The following NXPH1 variants were observed in gnomAD, a reference collection of about 807,000 sequenced individuals.
The protein encoded by NXPH1 is neurexophilin 1.
Under a neutral mutation model 23.7 loss-of-function variants are expected in NXPH1, and 5 were observed. That is an observed-to-expected ratio of 0.21 (90% CI 0.11 to 0.44). NXPH1 has a LOEUF of 0.44. NXPH1 is among the 20% of genes least tolerant of loss of function. The pLI is 0.99. For synonymous variants in NXPH1, 144 were observed against 122.2 expected (o/e 1.18, Z -1.18); for missense variants, 324 against 321.6 (o/e 1.01, Z -0.06).
At chr7:8,654,405 TATG>T (rs1392336115) in intron 2 of NXPH1, among the ~76,000 whole-genome samples, 1 of 152,172 alleles carries the variant, frequency 6.6e-6, no homozygotes, top group African/African-American at 2.4e-5. Flanking sequence ...ACAAAGCAAA[TATG>T]ATTATCTTAT....
chr7:8,437,157 A>T lies in NXPH1; in HGVS notation c.54+1390A>T, dbSNP rs6463808. ...AGGTGAAAGCCAGGGCAGCCAATCC[A>T]AAAGAACAGCCTTTCTGACTCTGTC... On this transcript the variant is annotated intron_variant, in intron 2 of 2. Coordinates refer to ENST00000405863, the MANE Select transcript of NXPH1 (RefSeq NM_152745.3). Among the ~76,000 whole-genome samples, 12 of 152,130 alleles carry T rather than the reference A, an allele frequency of 7.9e-5. No individual in the cohort carries two copies. The East Asian group carries it at 2.3e-3, about 29-fold the overall frequency.
chr7:8,560,613 G>A (rs533194306), intron 2 of NXPH1, among the ~76,000 whole-genome samples: 1 of 151,644 alleles, frequency 6.6e-6, no homozygotes, highest in Admixed American at 6.6e-5. Context: ...ATCAAGGAAG[G>A]GGGAGAGTGA....
intron 2 of NXPH1, among the ~76,000 whole-genome samples, chr7:8,747,224 T>G (rs1271003730): frequency 6.6e-6 from 1 of 152,208 alleles, no homozygotes; most frequent in Non-Finnish European, 1.5e-5. Flanking sequence ...GGACTGGGAT[T>G]CAGGCAGTCT....
At chr7:8,448,844 A>G (rs1816454520) in intron 2 of NXPH1, among the ~76,000 whole-genome samples, 1 of 150,056 alleles carries the variant, frequency 6.7e-6, no homozygotes, top group Non-Finnish European at 1.5e-5. Context: ...AAAAAAAAGG[A>G]CATTTCTACA....
chr7:8,559,358 A>G (rs1818406699), intron 2 of NXPH1, among the ~76,000 whole-genome samples: 1 of 151,762 alleles, frequency 6.6e-6, no homozygotes, highest in South Asian at 2.1e-4. Context: ...CGAGTGTCTT[A>G]GAAGATCTGT....
intron 2 of NXPH1, among the ~76,000 whole-genome samples, chr7:8,576,106 A>G (rs1450838380): frequency 3.3e-5 from 5 of 152,192 alleles, no homozygotes; most frequent in African/African-American, 1.2e-4. Context: ...ACAAGAACTG[A>G]TGAAGAGAGA....
intron 2 of NXPH1, among the ~76,000 whole-genome samples, chr7:8,647,999 G>C (rs1453677666): frequency 1.3e-5 from 2 of 151,834 alleles, no homozygotes; most frequent in Admixed American, 6.6e-5. Context: ...CAAACTCACT[G>C]TATGCCTTTT....
chr7:8,555,681 G>A (rs1049718964), intron 2 of NXPH1, among the ~76,000 whole-genome samples: 6 of 151,670 alleles, frequency 4.0e-5, no homozygotes, highest in South Asian at 2.1e-4. Context: ...TCTTGGCAAG[G>A]ACCCTCTGCT....
In NXPH1 at chr7:8,734,123, A is replaced by G. The variant is rs1236545594; in HGVS notation, c.55-16885A>G. ...CCAGTTTTCCCAGCACCATTTATTAAATAGAAAATCCTTTCCCCGTTGCTT... is the reference window on the plus strand; with the variant it reads ...CCAGTTTTCCCAGCACCATTTATTAGATAGAAAATCCTTTCCCCGTTGCTT... On this transcript the variant is annotated intron_variant, in intron 2 of 2. Transcript: ENST00000405863. Among the ~76,000 whole-genome samples, 5 of 152,186 alleles carry G rather than the reference A, an allele frequency of 3.3e-5. No homozygotes were observed. The East Asian group carries it at 9.6e-4, about 29-fold the overall frequency.
chr7:8,497,867 A>G (rs1031026770), intron 2 of NXPH1, among the ~76,000 whole-genome samples: 1 of 152,068 alleles, frequency 6.6e-6, no homozygotes, highest in Non-Finnish European at 1.5e-5. Context: ...CTTTAGTTTA[A>G]TTAGATCCCA....
intron 2 of NXPH1, among the ~76,000 whole-genome samples, chr7:8,614,466 GT>G (rs1431363403): frequency 6.6e-6 from 1 of 151,644 alleles, no homozygotes; most frequent in East Asian, 1.9e-4. Flanking sequence ...ATATGTATAT[GT>G]CTATAGATTT....
At chr7:8,647,498 T>G (rs1820415594) in intron 2 of NXPH1, among the ~76,000 whole-genome samples, 1 of 152,106 alleles carries the variant, frequency 6.6e-6, no homozygotes, top group Non-Finnish European at 1.5e-5. Flanking sequence ...TTATATATAT[T>G]TCTTTGATTT....
chr7:8,731,417 C>T (rs1780151470), intron 2 of NXPH1, among the ~76,000 whole-genome samples: 1 of 152,198 alleles, frequency 6.6e-6, no homozygotes, highest in Non-Finnish European at 1.5e-5. Flanking sequence ...GAGAGGCGCT[C>T]TGCTTTTTAG....
intron 2 of NXPH1, among the ~76,000 whole-genome samples, chr7:8,501,301 T>C (rs4141172): frequency 0.3 from 46,170 of 151,900 alleles, 7,236 homozygotes; most frequent in African/African-American, 0.37. Flanking sequence ...AGTAATGAAA[T>C]GGCAAATAAT....
intron 2 of NXPH1, among the ~76,000 whole-genome samples, chr7:8,573,191 A>T (rs932502167): frequency 4.6e-5 from 7 of 150,554 alleles, no homozygotes; most frequent in African/African-American, 7.3e-5. Flanking sequence ...GTCATTAAAA[A>T]CTCTCTGTTC....
At chr7:8,493,411 T>C (rs1300775558) in intron 2 of NXPH1, among the ~76,000 whole-genome samples, 1 of 152,052 alleles carries the variant, frequency 6.6e-6, no homozygotes, top group Non-Finnish European at 1.5e-5. Context: ...TATATCAGAC[T>C]GCCTTATGCT....
intron 2 of NXPH1, among the ~76,000 whole-genome samples, chr7:8,708,865 G>A (rs780505464): frequency 1.3e-5 from 2 of 152,020 alleles, no homozygotes; most frequent in Admixed American, 6.6e-5. Context: ...GAGCAATGCC[G>A]ACAATACCCA....
At chr7:8,732,911 A>G (rs2115218826) in intron 2 of NXPH1, among the ~76,000 whole-genome samples, 1 of 152,240 alleles carries the variant, frequency 6.6e-6, no homozygotes, top group East Asian at 1.9e-4. Context: ...AAGTTCTGGG[A>G]TACATGTGCA....
intron 2 of NXPH1, among the ~76,000 whole-genome samples, chr7:8,706,365 T>G (rs1001257851): frequency 2.0e-5 from 3 of 152,212 alleles, no homozygotes; most frequent in African/African-American, 7.2e-5. Context: ...TCTCAAACTT[T>G]TACTACATAT....
Sources: allele counts gnomAD v4.1 joint callset (sites outside exome capture counted in the v4.1 genomes callset), GRCh38; gene constraint gnomAD v4.1.1; transcripts MANE v1.5; gene names NCBI Gene and HGNC (gene_info 2026-07-23, HGNC 2026-07-21).